MAP4K4: variants seen among roughly 807,000 people sequenced by gnomAD.
MAP4K4 encodes the protein HPK/GCK-like kinase HGK.
MAP4K4 carries 38 observed loss-of-function variants against 189.6 expected under a neutral mutation model. The ratio of observed to expected loss-of-function variants is 0.20; its 90% CI spans 0.15 to 0.26. The LOEUF is 0.26. Among genes scored for constraint, MAP4K4 ranks in the 10% least tolerant of loss-of-function variants. The pLI, the probability that MAP4K4 is intolerant of heterozygous loss-of-function variation, is 1.00. For missense variants in MAP4K4, 1,054 were observed against 1,726.9 expected, an observed-to-expected ratio of 0.61 and a Z score of 6.91; for synonymous variants, 610 against 624.3, an observed-to-expected ratio of 0.98 and a Z score of 0.34.
intron 2 of MAP4K4, among the ~76,000 whole-genome samples, chr2:101,744,508 A>G (rs1454708697): frequency 6.6e-6 from 1 of 152,052 alleles, no homozygotes; most frequent in African/African-American, 2.4e-5. Flanking sequence ...TTTTCTGGTT[A>G]CTGAATTCTA....
At chr2:101,824,046 A>G in exon 4 of MAP4K4, 1 of 1,524,434 alleles carries the variant, frequency 6.6e-7, no homozygotes, top group Non-Finnish European at 8.8e-7. Flanking sequence ...CATGATGACC[A>G]ACTCTGGGTA....
At position 101,816,948 on chromosome 2, in the gene MAP4K4, C is replaced by T. The variant is rs371331110; in HGVS notation, c.181-6980C>T. On this transcript the variant is annotated intron_variant, in intron 3 of 32. Coordinates refer to ENST00000324219, the Ensembl canonical transcript of MAP4K4. ...AGAGGAGATGGACTGTGTGAGTTGC[C>T]GGAAAGCTCATTTTGAATTCTTTGG... Among the ~76,000 whole-genome samples, 199 of 151,558 alleles carry T rather than the reference C, an allele frequency of 1.3e-3. 1 individual carries two copies. The highest frequency in any genetic ancestry group is 4.4e-3 in the African/African-American group (182 of 41,306).
At chr2:101,865,688 G>T (rs2097790227) in intron 18 of MAP4K4, among the ~76,000 whole-genome samples, 1 of 152,104 alleles carries the variant, frequency 6.6e-6, no homozygotes, top group Admixed American at 6.5e-5. Context: ...ACGCTTCATT[G>T]ACCAGCACTA....
chr2:101,866,420 T>C lies in MAP4K4; in HGVS notation c.2205-8T>C, dbSNP rs1412006311. On this transcript the variant is annotated splice_region_variant and splice_polypyrimidine_tract_variant and intron_variant, in intron 18 of 32. Transcript: ENST00000324219. ...CATTAGCTGTTCTCTCTTCTTCTTT[T>C]CTAACAGCAGTATTGAGCCCAGGCT... 3.1e-6 allele frequency: 5 copies of C among 1,603,362 alleles called. No homozygotes were observed. Among genetic ancestry groups the C allele is most frequent in the Non-Finnish European group, 3.4e-6 (4 of 1,171,460 alleles).
At chr2:101,698,191 C>CCTGCAGG in intron 1 of MAP4K4, 54 bp downstream of exon 1, 3 of 895,728 alleles carry the variant, frequency 3.3e-6, no homozygotes, top group Non-Finnish European at 4.1e-6. Context: ...CAGCCGGCAG[C>CCTGCAGG]CGGGGCCGCG....
chr2:101,891,074 G>C lies in MAP4K4; in HGVS notation c.4072-92G>C, dbSNP rs1014433660. 1.9e-5 allele frequency: 18 copies of C among 972,420 alleles called. No homozygotes were observed. In the Admixed American group the frequency reaches 3.3e-4, roughly 18 times the overall value. 60.2% of individuals were successfully genotyped at this position (972,420 alleles called of 1,614,324 possible). ...TTGGGAGTCTAAGCTTCTCGTACTTGACAGTGTTGAGGATGATGGTGGCTT... is the reference window on the plus strand; with the variant it reads ...TTGGGAGTCTAAGCTTCTCGTACTTCACAGTGTTGAGGATGATGGTGGCTT... On this transcript the variant is annotated intron_variant, in intron 32 of 32. Coordinates refer to ENST00000324219, the Ensembl canonical transcript of MAP4K4.
intron 12 of MAP4K4, among the ~76,000 whole-genome samples, chr2:101,853,555 A>G (rs1339554548): frequency 1.3e-5 from 2 of 152,174 alleles, no homozygotes; most frequent in Non-Finnish European, 2.9e-5. Context: ...TATTTAATAG[A>G]TGCTCTAGGA....
At chr2:101,893,276 A>G (rs1168937468) in exon 33 of MAP4K4, 3 of 456,162 alleles carry the variant, frequency 6.6e-6, no homozygotes, top group East Asian at 6.9e-5. Flanking sequence ...TGAGAAGCTT[A>G]CTTTTTGGGG....
chr2:101,806,630 G>A (rs1370213914), intron 3 of MAP4K4, among the ~76,000 whole-genome samples: 6 of 152,122 alleles, frequency 3.9e-5, no homozygotes, highest in Admixed American at 3.9e-4. Context: ...CGCCCGCCTT[G>A]GCCTCCCAAA....
intron 3 of MAP4K4, among the ~76,000 whole-genome samples, chr2:101,809,301 G>C (rs1175540012): frequency 6.6e-6 from 1 of 151,544 alleles, no homozygotes; most frequent in Non-Finnish European, 1.5e-5. Context: ...ACAGGCCACT[G>C]TAAATAACTT....
chr2:101,863,954 G>A (rs531511135), exon 17 of MAP4K4: 1 of 1,367,694 alleles, frequency 7.3e-7, no homozygotes, highest in Non-Finnish European at 9.8e-7. Context: ...CCTTCCCGCA[G>A]TGAGGTGCTC....
intron 2 of MAP4K4, among the ~76,000 whole-genome samples, chr2:101,709,183 T>C (rs1451585326): frequency 6.6e-6 from 1 of 152,192 alleles, no homozygotes; most frequent in African/African-American, 2.4e-5. Context: ...CCCAGTCTTA[T>C]TATTAGTCAT....
At chr2:101,893,433 C>T (rs1267327450) in exon 33 of MAP4K4, 1 of 350,320 alleles carries the variant, frequency 2.9e-6, no homozygotes, top group African/African-American at 2.1e-5. Flanking sequence ...GGCTGGATTC[C>T]ATCGCCACAG....
At chr2:101,818,223 TA>T (rs776919864) in intron 3 of MAP4K4, among the ~76,000 whole-genome samples, 10 of 152,210 alleles carry the variant, frequency 6.6e-5, no homozygotes, top group African/African-American at 9.6e-5. Flanking sequence ...CAAAAACTTG[TA>T]AACTGTTTTT....
At chr2:101,812,704 G>T (rs1559037465) in intron 3 of MAP4K4, among the ~76,000 whole-genome samples, 1 of 152,176 alleles carries the variant, frequency 6.6e-6, no homozygotes, top group Non-Finnish European at 1.5e-5. Context: ...TTGCCATACA[G>T]TGTGCTTATG....
At chr2:101,763,353 G>A (rs1187759943) in intron 2 of MAP4K4, among the ~76,000 whole-genome samples, 2 of 152,150 alleles carry the variant, frequency 1.3e-5, no homozygotes, top group Non-Finnish European at 2.9e-5. Flanking sequence ...AGAAAACACA[G>A]TTAAGTTATT....
At chr2:101,727,522 T>C (rs752723316) in intron 2 of MAP4K4, among the ~76,000 whole-genome samples, 9 of 152,230 alleles carry the variant, frequency 5.9e-5, no homozygotes, top group Non-Finnish European at 8.8e-5. Flanking sequence ...TTGTCCAACA[T>C]AGATTACCAA....
intron 2 of MAP4K4, among the ~76,000 whole-genome samples, chr2:101,773,050 A>T (rs917391298): frequency 6.6e-6 from 1 of 152,136 alleles, no homozygotes; most frequent in African/African-American, 2.4e-5. Context: ...AATGCTGCTG[A>T]CTGCAAGACC....
chr2:101,818,528 CAT>C (rs888941146), intron 3 of MAP4K4, among the ~76,000 whole-genome samples: 11 of 152,188 alleles, frequency 7.2e-5, no homozygotes, highest in African/African-American at 2.7e-4. Flanking sequence ...CTCCTCACCA[CAT>C]AGTTACTACC....
Sources: gnomAD v4.1 joint callset for allele counts (sites outside exome capture counted in the v4.1 genomes callset) on GRCh38, gnomAD v4.1.1 for gene constraint, MANE v1.5 for transcripts, NCBI Gene and HGNC (gene_info 2026-07-23, HGNC 2026-07-21) for gene names.